The following GALNT13 variants were observed in gnomAD, a reference collection of about 807,000 sequenced individuals.
GALNT13 encodes the protein polypeptide N-acetylgalactosaminyltransferase 13.
GALNT13 carries 28 observed loss-of-function variants against 64.2 expected under a neutral mutation model. The ratio of observed to expected loss-of-function variants is 0.44; its 90% CI spans 0.32 to 0.60. The LOEUF (loss-of-function observed/expected upper bound fraction) is 0.60. Among genes scored for constraint, GALNT13 ranks in the 20% least tolerant of loss-of-function variants. The pLI is 0.05. For synonymous variants in GALNT13, 214 were observed against 224.6 expected (o/e 0.95, Z 0.42); for missense variants, 577 against 669.8 (o/e 0.86, Z 1.53).
At chr2:153,098,459 T>A in the GALNT13 span, among the ~76,000 whole-genome samples, 17 of 152,342 alleles carry the variant, frequency 1.1e-4, 1 homozygote, top group East Asian at 2.1e-3. Flanking sequence ...TCCTGACTTA[T>A]CTTTATAGTT....
At chr2:153,156,407 C>T in the GALNT13 span, among the ~76,000 whole-genome samples, 4 of 152,152 alleles carry the variant, frequency 2.6e-5, no homozygotes, top group Non-Finnish European at 4.4e-5. Context: ...ATCCTCAGTA[C>T]ATATGTCTCT....
chr2:153,094,513 T>C, the GALNT13 span, among the ~76,000 whole-genome samples: 1 of 152,192 alleles, frequency 6.6e-6, no homozygotes, highest in African/African-American at 2.4e-5. Context: ...CCAATGACTT[T>C]CTTCACAGAA....
intron 10 of GALNT13, among the ~76,000 whole-genome samples, chr2:154,407,017 T>C (rs1261074819): frequency 6.6e-6 from 1 of 152,096 alleles, no homozygotes; most frequent in East Asian, 1.9e-4. Flanking sequence ...TGTCAAAGAG[T>C]AAGAGGGCAT....
At chr2:154,248,894 A>G in intron 7 of GALNT13, among the ~76,000 whole-genome samples, 1 of 152,176 alleles carries the variant, frequency 6.6e-6, no homozygotes, top group African/African-American at 2.4e-5. Flanking sequence ...GGGGGAAAAT[A>G]TATTTATTGT....
chr2:153,662,970 C>G, the GALNT13 span, among the ~76,000 whole-genome samples: 4 of 152,134 alleles, frequency 2.6e-5, no homozygotes, highest in Non-Finnish European at 5.9e-5. Flanking sequence ...CCTGTAGCAG[C>G]CTTTTCAAGG....
At chr2:153,322,225 C>T in the GALNT13 span, among the ~76,000 whole-genome samples, 1 of 152,040 alleles carries the variant, frequency 6.6e-6, no homozygotes, top group Non-Finnish European at 1.5e-5. Context: ...CATGAGTACC[C>T]ATTGTTTAGC....
At chr2:154,271,747 C>G (rs560754111) in intron 8 of GALNT13, among the ~76,000 whole-genome samples, 1 of 151,910 alleles carries the variant, frequency 6.6e-6, no homozygotes, top group South Asian at 2.1e-4. Flanking sequence ...ATATATATAT[C>G]TATCTAATTT....
chr2:154,450,287 A>G, intron 12 of GALNT13, 124 bp from the exon 13 acceptor site: 1 of 738,804 alleles, frequency 1.4e-6, no homozygotes, highest in Non-Finnish European at 2.1e-6. Context: ...TCCTTTTACA[A>G]AGCTATCACA....
the GALNT13 span, among the ~76,000 whole-genome samples, chr2:153,701,083 CACT>C: frequency 6.6e-6 from 1 of 152,074 alleles, no homozygotes; most frequent in African/African-American, 2.4e-5. Flanking sequence ...CATGCTGTCT[CACT>C]TCAACCTATA....
the GALNT13 span, among the ~76,000 whole-genome samples, chr2:153,725,946 T>C: frequency 1.3e-5 from 2 of 152,186 alleles, no homozygotes; most frequent in Admixed American, 6.5e-5. Context: ...TTAATATTTT[T>C]TCGTATGAAG....
At chr2:154,128,766 T>G (rs16836094) in intron 3 of GALNT13, among the ~76,000 whole-genome samples, 18,986 of 152,120 alleles carry the variant, frequency 0.12, 1,308 homozygotes, top group South Asian at 0.21. Flanking sequence ...ATGCTCCAAT[T>G]CAAATTACAA....
chr2:153,515,363 T>A, the GALNT13 span, among the ~76,000 whole-genome samples: 5 of 152,202 alleles, frequency 3.3e-5, no homozygotes, highest in Non-Finnish European at 7.3e-5. Flanking sequence ...ATTTCAAGCT[T>A]CTGTGCTTTG....
At chr2:153,879,246 T>C (rs1483999317) in intron 1 of GALNT13, among the ~76,000 whole-genome samples, 2 of 152,192 alleles carry the variant, frequency 1.3e-5, no homozygotes, top group Non-Finnish European at 2.9e-5. Flanking sequence ...ATTCTTATTT[T>C]AGAGACAAGG....
chr2:153,947,528 G>GT (rs1380238404), intron 3 of GALNT13, among the ~76,000 whole-genome samples: 4 of 141,242 alleles, frequency 2.8e-5, no homozygotes, highest in African/African-American at 5.7e-5. Flanking sequence ...ACTTTTTGGT[G>GT]GTTTTTTTTT....
intron 9 of GALNT13, among the ~76,000 whole-genome samples, chr2:154,313,480 G>A (rs1694164188): frequency 6.6e-6 from 1 of 150,778 alleles, no homozygotes; most frequent in Non-Finnish European, 1.5e-5. Flanking sequence ...TATTTAGATG[G>A]AGTCTCACTC....
chr2:153,112,535 G>GGGA, the GALNT13 span, among the ~76,000 whole-genome samples: 1 of 151,716 alleles, frequency 6.6e-6, no homozygotes, highest in African/African-American at 2.4e-5. Context: ...GTGGGGAAGA[G>GGGA]GGACATTTTA....
At chr2:153,610,773 G>A in the GALNT13 span, among the ~76,000 whole-genome samples, 11 of 152,242 alleles carry the variant, frequency 7.2e-5, no homozygotes, top group Non-Finnish European at 1.0e-4. Flanking sequence ...CAGACGTGTG[G>A]AAGGTAAAAA....
chr2:153,710,402 G>A, the GALNT13 span, among the ~76,000 whole-genome samples: 1 of 152,024 alleles, frequency 6.6e-6, no homozygotes, highest in Non-Finnish European at 1.5e-5. Context: ...GAGTGAAAAA[G>A]TAAAATAATA....
chr2:154,102,289 G>C (rs562801489), intron 3 of GALNT13, among the ~76,000 whole-genome samples: 19 of 152,148 alleles, frequency 1.2e-4, no homozygotes, highest in African/African-American at 4.6e-4. Flanking sequence ...CGCCTGGCTG[G>C]AGGTCAACCA....
Sources: allele counts gnomAD v4.1 joint callset (sites outside exome capture counted in the v4.1 genomes callset), GRCh38; gene constraint gnomAD v4.1.1; transcripts MANE v1.5; gene names NCBI Gene and HGNC (gene_info 2026-07-23, HGNC 2026-07-21).